The following MRTFA variants were observed in gnomAD, a reference collection of about 807,000 sequenced individuals.
MRTFA encodes the protein myocardin related transcription factor A.
MRTFA carries 20 observed loss-of-function variants against 83.5 expected under a neutral mutation model. That is an observed-to-expected ratio of 0.24 (90% confidence interval 0.17 to 0.35). The LOEUF is 0.35. Ranked by LOEUF, MRTFA falls within the 10% of genes least tolerant of loss-of-function variation. The probability of loss-of-function intolerance (pLI) is 1.00; values close to 1 mark genes in which losing one functional copy is unlikely to be tolerated. For missense variants in MRTFA, 1,200 were observed against 1,224.7 expected (o/e 0.98, Z 0.30); for synonymous variants, 659 against 541.2 (o/e 1.22, Z -3.02).
chr22:40,466,176 C>G (rs769359109), intron 3 of MRTFA, among the ~76,000 whole-genome samples: 14 of 152,118 alleles, frequency 9.2e-5, no homozygotes, highest in Non-Finnish European at 1.6e-4. Flanking sequence ...CAAATTTACT[C>G]TAGGAAGTTG....
intron 2 of MRTFA, among the ~76,000 whole-genome samples, chr22:40,585,400 G>C (rs2056013296): frequency 6.6e-6 from 1 of 152,162 alleles, no homozygotes; most frequent in African/African-American, 2.4e-5. Flanking sequence ...TAGTTTCCAG[G>C]GGGAAGGAGG....
intron 4 of MRTFA, among the ~76,000 whole-genome samples, chr22:40,450,170 T>C (rs1361440952): frequency 3.3e-5 from 5 of 152,198 alleles, no homozygotes; most frequent in African/African-American, 1.2e-4. Flanking sequence ...AGAGCAGCTA[T>C]AGATCCCTGG....
At chr22:40,517,133 G>C (rs1282543343) in intron 3 of MRTFA, among the ~76,000 whole-genome samples, 1 of 152,140 alleles carries the variant, frequency 6.6e-6, no homozygotes, top group East Asian at 1.9e-4. Flanking sequence ...ATGTTGCCCA[G>C]GCTGTTCTAG....
chr22:40,498,456 G>C (rs990802766), intron 3 of MRTFA, among the ~76,000 whole-genome samples: 2 of 149,374 alleles, frequency 1.3e-5, no homozygotes, highest in African/African-American at 2.5e-5. Context: ...GCTGATTTTT[G>C]CATTTTTTTG....
intron 3 of MRTFA, among the ~76,000 whole-genome samples, chr22:40,547,087 G>A (rs537582325): frequency 4.1e-4 from 63 of 152,068 alleles, no homozygotes; most frequent in African/African-American, 1.4e-3. Flanking sequence ...CCCAGGAGGC[G>A]GAGCTTGCAG....
chr22:40,512,700 G>A (rs867111621), intron 3 of MRTFA, among the ~76,000 whole-genome samples: 4 of 152,328 alleles, frequency 2.6e-5, no homozygotes, highest in African/African-American at 9.6e-5. Context: ...AGTCCCAAGG[G>A]ATAATTAGCC....
chr22:40,581,830 A>C (rs2055951389), intron 2 of MRTFA, among the ~76,000 whole-genome samples: 1 of 152,182 alleles, frequency 6.6e-6, no homozygotes, highest in Non-Finnish European at 1.5e-5. Flanking sequence ...CATGTATCAG[A>C]ATTTCATATA....
chr22:40,536,245 G>C (rs1309733657), intron 3 of MRTFA, among the ~76,000 whole-genome samples: 2 of 152,038 alleles, frequency 1.3e-5, no homozygotes, highest in East Asian at 1.9e-4. Context: ...CCAGGCTACA[G>C]TGAGCTGTGA....
chr22:40,545,120 C>T lies in MRTFA; in HGVS notation c.241+6986G>A, dbSNP rs544145772. The stretch of plus-strand genomic sequence containing the variant: ...ACTGATTCAATGGATGCCAGAACTC[C>T]TTGAGCTGAAGCCTAAGGGCTTAGT... On this transcript the variant is annotated intron_variant, in intron 3 of 14. Transcript: ENST00000355630. Among the ~76,000 whole-genome samples, 9 of 152,056 alleles carry T rather than the reference C, an allele frequency of 5.9e-5. No individual in the cohort carries two copies. The East Asian group carries it at 1.7e-3, about 29-fold the overall frequency.
rs74347558 is a variant in MRTFA at position 40,418,984 on chromosome 22, G to A, written c.1754C>T (p.Thr585Met). The change falls in exon 12 of 15, where the codon ACG becomes ATG. Residue 585 changes from threonine (T) to methionine (M), a missense_variant. Thr to Met is a moderately conservative substitution (Grantham distance 81). Coordinates refer to ENST00000355630, the MANE Select transcript of MRTFA (RefSeq NM_020831.6). ...TGGCGAGGCCTGCAGGGTCAGCTGC[G>A]TCAGAGGTGATGTCACCATCTCACC... 2,798 of 1,612,866 alleles carry A rather than the reference G, an allele frequency of 1.7e-3. 55 individuals are homozygous for A. In the African/African-American group the frequency reaches 0.033, roughly 19 times the overall value.
chr22:40,461,482 A>T (rs1303314616), intron 4 of MRTFA, among the ~76,000 whole-genome samples: 1 of 150,628 alleles, frequency 6.6e-6, no homozygotes, highest in East Asian at 2.0e-4. Flanking sequence ...GCAAGACCCC[A>T]TCTCTTAAAA....
chr22:40,535,688 G>C (rs2055159626), intron 3 of MRTFA, among the ~76,000 whole-genome samples: 1 of 152,036 alleles, frequency 6.6e-6, no homozygotes, highest in Admixed American at 6.5e-5. Context: ...AGTAATGAGG[G>C]TTTTCAAATG....
At chr22:40,622,971 T>C (rs919272676) in intron 1 of MRTFA, among the ~76,000 whole-genome samples, 1 of 152,210 alleles carries the variant, frequency 6.6e-6, no homozygotes, top group Admixed American at 6.5e-5. Flanking sequence ...CTGGATTCTA[T>C]AAAGTGAGAA....
chr22:40,607,032 G>A (rs990284829), intron 1 of MRTFA, among the ~76,000 whole-genome samples: 3 of 152,154 alleles, frequency 2.0e-5, no homozygotes, highest in African/African-American at 7.2e-5. Flanking sequence ...ATACATGAAA[G>A]CACCTAACAG....
At chr22:40,465,272 A>G (rs370460784) in intron 3 of MRTFA, among the ~76,000 whole-genome samples, 1 of 152,202 alleles carries the variant, frequency 6.6e-6, no homozygotes, top group East Asian at 1.9e-4. Flanking sequence ...CCTTACTGAT[A>G]TATGTCCCCC....
chr22:40,586,307 A>G (rs2056027779), intron 2 of MRTFA, among the ~76,000 whole-genome samples: 1 of 152,158 alleles, frequency 6.6e-6, no homozygotes. Flanking sequence ...AGTACAAACA[A>G]TAACCAGGCA....
At chr22:40,516,657 G>A (rs575685562) in intron 3 of MRTFA, among the ~76,000 whole-genome samples, 2 of 152,106 alleles carry the variant, frequency 1.3e-5, no homozygotes, top group East Asian at 1.9e-4. Context: ...GGCAAGACAC[G>A]CTAGAAGTTT....
Position 40,418,898 on chromosome 22 carries a change from C to T in MRTFA, c.1840G>A (p.Gly614Arg). The change falls in exon 12 of 15, where the codon GGG becomes AGG. Residue 614 changes from glycine to arginine, a missense_variant. Physicochemically the swap from Gly to Arg is moderately radical, Grantham distance 125. Around this residue, in one of 2 missense-constraint regions of MRTFA, gnomAD observed 1,107 missense variants for 1,041.8 expected, o/e 1.06. Transcript: ENST00000355630. Reference sequence around the variant, plus strand: ...TCGCGCCCCTCTAGCTCCGCCCGCCCCCCAGGGCTCAGGCAACAGGACCCG... The same window carrying T: ...TCGCGCCCCTCTAGCTCCGCCCGCCTCCCAGGGCTCAGGCAACAGGACCCG... 6.2e-7 allele frequency: 1 copy of T among 1,612,706 alleles called. No homozygotes were observed. Among genetic ancestry groups the T allele is most frequent in the Non-Finnish European group, 8.5e-7 (1 of 1,179,882 alleles).
At chr22:40,566,136 C>G (rs947302029) in intron 2 of MRTFA, among the ~76,000 whole-genome samples, 4 of 151,920 alleles carry the variant, frequency 2.6e-5, no homozygotes, top group African/African-American at 9.7e-5. Context: ...TGGCATGGCC[C>G]GAGAGGAATG....
Sources: allele counts gnomAD v4.1 joint callset (sites outside exome capture counted in the v4.1 genomes callset), GRCh38; gene constraint gnomAD v4.1.1; regional missense constraint gnomAD v4.1.1; transcripts MANE v1.5; gene names NCBI Gene and HGNC (gene_info 2026-07-23, HGNC 2026-07-21).